MGLL: variants seen among roughly 807,000 people sequenced by gnomAD.
The protein encoded by MGLL is lysophospholipase homolog.
In MGLL, 7 loss-of-function variants were observed where a neutral mutation model predicts 29.1. That is an observed-to-expected ratio of 0.24 (90% confidence interval 0.14 to 0.45). MGLL has a LOEUF of 0.45. Ranked by LOEUF, MGLL falls within the 20% of genes least tolerant of loss-of-function variation. The pLI, the probability that MGLL is intolerant of heterozygous loss-of-function variation, is 0.99. For synonymous variants in MGLL, 148 were observed against 168.3 expected, an observed-to-expected ratio of 0.88 and a Z score of 0.93; for missense variants, 356 against 413.6, an observed-to-expected ratio of 0.86 and a Z score of 1.21.
intron 2 of MGLL, among the ~76,000 whole-genome samples, chr3:127,786,254 C>T (rs1006910597): frequency 1.3e-5 from 2 of 152,196 alleles, no homozygotes; most frequent in Non-Finnish European, 2.9e-5. Flanking sequence ...ATCAAGGGGC[C>T]GACAGGGCCC....
At chr3:127,777,330 G>A (rs1431860504) in intron 3 of MGLL, among the ~76,000 whole-genome samples, 1 of 152,224 alleles carries the variant, frequency 6.6e-6, no homozygotes, top group East Asian at 1.9e-4. Context: ...TGGGAGTGTG[G>A]CATGGCAGAG....
chr3:127,744,003 C>T (rs775428485), intron 3 of MGLL, among the ~76,000 whole-genome samples: 3 of 152,052 alleles, frequency 2.0e-5, no homozygotes, highest in Non-Finnish European at 4.4e-5. Context: ...AGCACAAGCT[C>T]GGCTTTACAA....
At position 127,795,146 on chromosome 3, in the gene MGLL, C is replaced by T. The variant is rs370650432; in HGVS notation, c.156-13251G>A. Among the ~76,000 whole-genome samples, 48 of 152,170 alleles carry T rather than the reference C, an allele frequency of 3.2e-4. 1 individual carries two copies. In the South Asian group the frequency reaches 8.3e-3, roughly 26 times the overall value. On this transcript the variant is annotated intron_variant, in intron 2 of 7. Coordinates refer to ENST00000265052, the MANE Select transcript of MGLL (RefSeq NM_007283.7). ...ACCTAGGTGCCCATCAACAGTGGAT[C>T]GGATAAAGAAAAGGTGGTACATATA...
intron 5 of MGLL, among the ~76,000 whole-genome samples, chr3:127,718,106 T>C (rs904708277): frequency 1.4e-5 from 2 of 144,192 alleles, no homozygotes; most frequent in South Asian, 2.3e-4. Flanking sequence ...AAGAACCAGA[T>C]GGTGGCGAGA....
chr3:127,727,404 T>C (rs1208774449), intron 3 of MGLL, among the ~76,000 whole-genome samples: 2 of 152,108 alleles, frequency 1.3e-5, no homozygotes, highest in African/African-American at 2.4e-5. Context: ...TCCATATAGA[T>C]ATTTTCAACT....
chr3:127,820,560 G>C lies in MGLL; in HGVS notation c.155+1134C>G, dbSNP rs574920567. On this transcript the variant is annotated intron_variant, in intron 2 of 7. Coordinates refer to ENST00000265052, the MANE Select transcript of MGLL (RefSeq NM_007283.7). Reference sequence around the variant, plus strand: ...TCAAATTACCACAAACCACTAATCTGTTAGAAATTAATCCAAGATTGAGCA... The same window carrying C: ...TCAAATTACCACAAACCACTAATCTCTTAGAAATTAATCCAAGATTGAGCA... Among the ~76,000 whole-genome samples the C allele has an allele frequency of 2.0e-5, 3 of 152,296 alleles. No homozygotes were observed. In the East Asian group the frequency reaches 5.8e-4, roughly 29 times the overall value.
chr3:127,806,405 A>C lies in MGLL; in HGVS notation c.155+15289T>G, dbSNP rs202122784. Among the ~76,000 whole-genome samples, 11 of 152,312 alleles carry C rather than the reference A, an allele frequency of 7.2e-5. No homozygotes were observed. In the East Asian group the frequency reaches 2.1e-3, roughly 29 times the overall value. On this transcript the variant is annotated intron_variant, in intron 2 of 7. Transcript: ENST00000265052. ...GATAAGTAAATGTGTGGATGGGTGG[A>C]TGAATGAATAAATGGATGGATGGGT...
At chr3:127,724,759 C>A (rs906482286) in intron 3 of MGLL, among the ~76,000 whole-genome samples, 2 of 152,206 alleles carry the variant, frequency 1.3e-5, no homozygotes, top group African/African-American at 4.8e-5. Context: ...GTGTCAGGCT[C>A]CCTCTTCCCA....
chr3:127,703,827 G>T (rs781023822), intron 6 of MGLL, among the ~76,000 whole-genome samples: 1 of 152,138 alleles, frequency 6.6e-6, no homozygotes, highest in Non-Finnish European at 1.5e-5. Context: ...TCCACATAAG[G>T]GGTTAATATC....
At chr3:127,751,391 C>T (rs563439677) in intron 3 of MGLL, among the ~76,000 whole-genome samples, 2 of 151,354 alleles carry the variant, frequency 1.3e-5, no homozygotes, top group Non-Finnish European at 2.9e-5. Flanking sequence ...AAAGGTCTTG[C>T]GTCTTCTGCT....
At position 127,773,621 on chromosome 3, in the gene MGLL, G is replaced by T. The variant is rs115953503; in HGVS notation, c.262+8168C>A. ...TAAAGAGTGCACCTGCTCTCATCTT[G>T]CTGCCTTAAGTTGCACCCACAACAT... On this transcript the variant is annotated intron_variant, in intron 3 of 7. Coordinates refer to ENST00000265052, the MANE Select transcript of MGLL (RefSeq NM_007283.7). 5.0e-3 allele frequency among the ~76,000 whole-genome samples: 763 copies of T among 152,320 alleles called. 6 individuals are homozygous for T. Among genetic ancestry groups the T allele is most frequent in the African/African-American group, 0.014 (587 of 41,568 alleles).
chr3:127,821,949 A>G (rs1178733884), intron 1 of MGLL, 111 bp from the exon 2 acceptor site: 1 of 1,204,310 alleles, frequency 8.3e-7, no homozygotes, highest in Non-Finnish European at 1.2e-6. Context: ...AGCAGTTTAA[A>G]AAACCCCTCT....
At chr3:127,792,832 G>T (rs2077323972) in intron 2 of MGLL, among the ~76,000 whole-genome samples, 2 of 152,222 alleles carry the variant, frequency 1.3e-5, no homozygotes. Flanking sequence ...TCAAGCCACT[G>T]GAGAACATGC....
At chr3:127,730,852 G>C (rs1353870278) in intron 3 of MGLL, among the ~76,000 whole-genome samples, 2 of 152,174 alleles carry the variant, frequency 1.3e-5, no homozygotes, top group Admixed American at 1.3e-4. Flanking sequence ...CTGAGTGAAC[G>C]ATGATGTTTG....
At chr3:127,796,967 G>C (rs184789328) in intron 2 of MGLL, among the ~76,000 whole-genome samples, 25 of 152,240 alleles carry the variant, frequency 1.6e-4, no homozygotes, top group Admixed American at 1.2e-3. Context: ...CGGGGCGACT[G>C]CCTGCCTTAC....
intron 6 of MGLL, among the ~76,000 whole-genome samples, chr3:127,706,556 C>G (rs1377793140): frequency 1.3e-5 from 2 of 152,182 alleles, no homozygotes; most frequent in Non-Finnish European, 2.9e-5. Flanking sequence ...GCAAAAGCAA[C>G]GTAGAGCAAT....
intron 2 of MGLL, among the ~76,000 whole-genome samples, chr3:127,789,525 C>CAAAAAAA (rs2077267097): frequency 6.6e-6 from 1 of 152,130 alleles, no homozygotes; most frequent in Non-Finnish European, 1.5e-5. Context: ...GCCTGGGCAA[C>CAAAAAAA]ATGGTGAGAC....
intron 3 of MGLL, among the ~76,000 whole-genome samples, chr3:127,726,189 G>C (rs56892069): frequency 1.9e-5 from 2 of 105,718 alleles, no homozygotes; most frequent in Non-Finnish European, 3.8e-5. Flanking sequence ...AGAAAGAAAA[G>C]AAAAGAAAGA....
chr3:127,787,549 T>C (rs2077234071), intron 2 of MGLL, among the ~76,000 whole-genome samples: 1 of 152,200 alleles, frequency 6.6e-6, no homozygotes, highest in South Asian at 2.1e-4. Flanking sequence ...AAAATGAATA[T>C]TTTGTTAGAG....
Sources: gnomAD v4.1 joint callset for allele counts (sites outside exome capture counted in the v4.1 genomes callset) on GRCh38, gnomAD v4.1.1 for gene constraint, MANE v1.5 for transcripts, NCBI Gene and HGNC (gene_info 2026-07-23, HGNC 2026-07-21) for gene names.